The following SPATA13 variants were observed in gnomAD, a reference collection of about 807,000 sequenced individuals.
The protein encoded by SPATA13 is spermatogenesis-associated protein 13.
SPATA13 carries 50 observed loss-of-function variants against 104.0 expected under a neutral mutation model. That is an observed-to-expected ratio of 0.48 (90% CI 0.38 to 0.61). SPATA13 has a LOEUF of 0.61. Among genes scored for constraint, SPATA13 ranks in the 20% least tolerant of loss-of-function variants. SPATA13 has a pLI of 0.00. For missense variants in SPATA13, 1,524 were observed against 1,690.6 expected (o/e 0.90, Z 1.73); for synonymous variants, 606 against 667.5 (o/e 0.91, Z 1.42).
chr13:24,139,945 G>A (rs1157743277), intron 3 of SPATA13, among the ~76,000 whole-genome samples: 6 of 152,050 alleles, frequency 3.9e-5, no homozygotes, highest in Middle Eastern at 3.2e-3. Flanking sequence ...GCGGGCACCT[G>A]TAGTCCCAGC....
At chr13:24,064,347 A>G (rs1397598368) in intron 3 of SPATA13, among the ~76,000 whole-genome samples, 1 of 152,196 alleles carries the variant, frequency 6.6e-6, no homozygotes, top group East Asian at 1.9e-4. Flanking sequence ...TCAATGGGAG[A>G]GCAGTAACCT....
intron 3 of SPATA13, among the ~76,000 whole-genome samples, chr13:24,138,685 G>A (rs1223857179): frequency 6.6e-6 from 1 of 151,666 alleles, no homozygotes; most frequent in African/African-American, 2.4e-5. Context: ...CTGGGCTCAA[G>A]TGATTCTCCC....
At chr13:24,261,005 G>A (rs1874038130) in intron 4 of SPATA13, among the ~76,000 whole-genome samples, 4 of 152,224 alleles carry the variant, frequency 2.6e-5, no homozygotes, top group Admixed American at 2.0e-4. Context: ...TCAGCTCCAG[G>A]TCAAGGCTAT....
chr13:24,115,406 C>T (rs1410944001), intron 3 of SPATA13, among the ~76,000 whole-genome samples: 2 of 152,344 alleles, frequency 1.3e-5, no homozygotes, highest in African/African-American at 4.8e-5. Flanking sequence ...AGCATTACTG[C>T]CTGAGCTCTG....
At chr13:24,013,383 C>A (rs76417027) in intron 2 of SPATA13, among the ~76,000 whole-genome samples, 1 of 152,176 alleles carries the variant, frequency 6.6e-6, no homozygotes, top group African/African-American at 2.4e-5. Context: ...TGCTCAGTTT[C>A]CCTCCTGGTT....
At chr13:24,302,517 T>C in intron 12 of SPATA13, 81 bp from the exon 13 acceptor site, 2 of 526,500 alleles carry the variant, frequency 3.8e-6, no homozygotes, top group Non-Finnish European at 3.2e-6. Flanking sequence ...GGACTTGGAG[T>C]CTCAGCATTT....
intron 2 of SPATA13, among the ~76,000 whole-genome samples, chr13:24,234,406 G>A (rs1332063714): frequency 6.6e-6 from 1 of 152,124 alleles, no homozygotes; most frequent in Non-Finnish European, 1.5e-5. Context: ...ACTGATTTCA[G>A]TATACGTTTT....
intron 3 of SPATA13, among the ~76,000 whole-genome samples, chr13:24,028,907 C>G (rs906896950): frequency 6.6e-6 from 1 of 151,830 alleles, no homozygotes. Context: ...TTCAATTTCC[C>G]CTGTTTTTTT....
At chr13:24,178,707 C>T (rs1868599574) in intron 1 of SPATA13, among the ~76,000 whole-genome samples, 1 of 152,180 alleles carries the variant, frequency 6.6e-6, no homozygotes, top group Non-Finnish European at 1.5e-5. Context: ...TTACCACCTT[C>T]TGTCTAGGTT....
chr13:24,246,258 G>A (rs756977351), intron 2 of SPATA13, among the ~76,000 whole-genome samples: 16 of 152,226 alleles, frequency 1.1e-4, no homozygotes, highest in Admixed American at 2.6e-4. Context: ...ATGTAATTGG[G>A]TTTATTCTCA....
At chr13:24,165,895 T>C (rs1224316513) in intron 1 of SPATA13, among the ~76,000 whole-genome samples, 1 of 152,222 alleles carries the variant, frequency 6.6e-6, no homozygotes, top group Non-Finnish European at 1.5e-5. Context: ...AAATGTGCCC[T>C]GAGTCCTAAA....
intron 4 of SPATA13, among the ~76,000 whole-genome samples, chr13:24,265,949 G>GATCATAGAAGAAAATATCT (rs1439441544): frequency 6.6e-6 from 1 of 152,124 alleles, no homozygotes; most frequent in Non-Finnish European, 1.5e-5. Context: ...ATTCGGAGGT[G>GATCATAGAAGAAAATATCT]ATCATAGAAG....
chr13:24,202,887 G>A (rs1870500416), intron 1 of SPATA13, among the ~76,000 whole-genome samples: 8 of 152,128 alleles, frequency 5.3e-5, no homozygotes, highest in Admixed American at 4.6e-4. Context: ...CCCAATTTAG[G>A]AGTGGAGAAG....
At chr13:24,181,589 C>G (rs1868810889) in intron 1 of SPATA13, among the ~76,000 whole-genome samples, 1 of 151,996 alleles carries the variant, frequency 6.6e-6, no homozygotes, top group Admixed American at 6.6e-5. Context: ...TAGCCTAGGT[C>G]TACATAGGGT....
At chr13:24,081,292 C>T (rs769333053) in intron 3 of SPATA13, among the ~76,000 whole-genome samples, 1 of 152,028 alleles carries the variant, frequency 6.6e-6, no homozygotes, top group African/African-American at 2.4e-5. Context: ...CAAAGTTCAC[C>T]GGTAATCTAT....
intron 2 of SPATA13, among the ~76,000 whole-genome samples, chr13:24,005,969 A>C (rs907453815): frequency 4.6e-5 from 7 of 152,148 alleles, no homozygotes; most frequent in Non-Finnish European, 1.0e-4. Context: ...CTGCTACACA[A>C]TTGCTCTGTT....
chr13:24,031,782 C>T (rs1254710055), intron 3 of SPATA13, among the ~76,000 whole-genome samples: 1 of 152,208 alleles, frequency 6.6e-6, no homozygotes, highest in Admixed American at 6.5e-5. Flanking sequence ...ATATCTACAT[C>T]CAGCATTCTG....
Position 24,137,121 on chromosome 13 carries a change from C to T in SPATA13, c.-111-85698C>T, listed in dbSNP as rs796754870. Reference sequence around the variant, plus strand: ...CTGGGATTACAGGCGTGAGCCACCGCGCCCGGCCTGTTCTTTATTTTTATG... The same window carrying T: ...CTGGGATTACAGGCGTGAGCCACCGTGCCCGGCCTGTTCTTTATTTTTATG... On this transcript the variant is annotated intron_variant, in intron 3 of 14. Transcript: ENST00000424834. Among the ~76,000 whole-genome samples the T allele has an allele frequency of 3.1e-3, 108 of 35,150 alleles. 37 individuals are homozygous for T. The highest frequency in any genetic ancestry group is 9.2e-3 in the African/African-American group (106 of 11,580). 23.1% of individuals were successfully genotyped at this position (35,150 alleles called of 152,430 possible).
chr13:24,289,885 C>T lies in SPATA13; in HGVS notation c.2847+707C>T, dbSNP rs114557707. On this transcript the variant is annotated intron_variant, in intron 8 of 12. Transcript: ENST00000382108. The stretch of plus-strand genomic sequence containing the variant: ...TGACAGCCTCACCACACCTTCACTT[C>T]CTGGGTGCTGGGCTCAGTAGCTGTC... Among the ~76,000 whole-genome samples the T allele has an allele frequency of 6.6e-3, 1,003 of 152,332 alleles. 9 individuals are homozygous for T. The highest frequency in any genetic ancestry group is 0.023 in the African/African-American group (969 of 41,578).
Sources: allele counts gnomAD v4.1 joint callset (sites outside exome capture counted in the v4.1 genomes callset), GRCh38; gene constraint gnomAD v4.1.1; transcripts MANE v1.5; gene names NCBI Gene and HGNC (gene_info 2026-07-23, HGNC 2026-07-21).